The following NOVA1 variants were observed in gnomAD, a reference collection of about 807,000 sequenced individuals.
The protein encoded by NOVA1 is NOVA alternative splicing regulator 1.
Under a neutral mutation model 38.0 loss-of-function variants are expected in NOVA1, and 7 were observed. The observed-to-expected ratio is 0.18, with a 90% CI of 0.10 to 0.35. The LOEUF (loss-of-function observed/expected upper bound fraction) is 0.35. NOVA1 is among the 10% of genes least tolerant of loss of function. NOVA1 has a pLI of 1.00. For synonymous variants in NOVA1, 270 were observed against 232.5 expected (o/e 1.16, Z -1.47); for missense variants, 460 against 616.0 (o/e 0.75, Z 2.68).
At position 26,455,278 on chromosome 14, in the gene NOVA1, C is replaced by CATCT. The variant is rs1445679106; in HGVS notation, c.520-6319_520-6316dup. Among the ~76,000 whole-genome samples the CATCT allele has an allele frequency of 3.3e-5, 5 of 152,134 alleles. No individual in the cohort carries two copies. The South Asian group carries it at 6.2e-4, about 19-fold the overall frequency. ...TATCTGTGACTTCTCCTGCTCCCTA[C>CATCT]ATCTATATGTTCTATTATGTGCTGT... On this transcript the variant is annotated intron_variant, in intron 4 of 4. Transcript: ENST00000539517.
intron 2 of NOVA1, among the ~76,000 whole-genome samples, chr14:26,565,191 C>T (rs1189541838): frequency 6.6e-6 from 1 of 152,200 alleles, no homozygotes; most frequent in Non-Finnish European, 1.5e-5. Context: ...TTCCTATCTA[C>T]ACTCACTGTA....
intron 2 of NOVA1, among the ~76,000 whole-genome samples, chr14:26,536,083 T>G (rs891449357): frequency 2.6e-5 from 4 of 152,084 alleles, no homozygotes; most frequent in Middle Eastern, 6.8e-3. Context: ...TGGAGATGAT[T>G]ATGTTAAGTG....
intron 2 of NOVA1, among the ~76,000 whole-genome samples, chr14:26,482,567 T>C (rs1455347803): frequency 6.6e-6 from 1 of 152,206 alleles, no homozygotes; most frequent in Non-Finnish European, 1.5e-5. Context: ...CTAAACTGCC[T>C]GTTATTTATC....
At chr14:26,497,986 A>G (rs578020464) in intron 2 of NOVA1, among the ~76,000 whole-genome samples, 1 of 152,338 alleles carries the variant, frequency 6.6e-6, no homozygotes, top group Non-Finnish European at 1.5e-5. Flanking sequence ...AACTGTTACT[A>G]TATTGATCAT....
In NOVA1 at chr14:26,444,285, A is replaced by G. The variant is rs1262574809; in HGVS notation, c.*3674T>C. 1 of 152,146 alleles carries G rather than the reference A, an allele frequency of 6.6e-6. No individual in the cohort carries two copies. Among genetic ancestry groups the G allele is most frequent in the Admixed American group, 6.6e-5 (1 of 15,262 alleles). 9.4% of individuals were successfully genotyped at this position (152,146 alleles called of 1,614,324 possible). A position where few individuals can be genotyped will look rare whatever the true frequency, so the allele number is the denominator to read the frequency against. Reference sequence around the variant, plus strand: ...ATCTCATACATTAGAAGTGGTACACAAAAAACGGGGATAAAATTTATCAGA... The same window carrying G: ...ATCTCATACATTAGAAGTGGTACACGAAAAACGGGGATAAAATTTATCAGA... On this transcript the variant is annotated 3_prime_UTR_variant, in exon 5 of 5. Transcript: ENST00000539517.
Position 26,445,887 on chromosome 14 carries a change from G to C in NOVA1, c.*2072C>G, listed in dbSNP as rs903154389. 1 of 152,562 alleles carries C rather than the reference G, an allele frequency of 6.6e-6. No individual in the cohort carries two copies. The highest frequency in any genetic ancestry group is 1.5e-5 in the Non-Finnish European group (1 of 68,020). The allele number at this position is 152,562 out of a possible 1,614,324, so 9.5% of individuals were successfully genotyped here. A position where few individuals can be genotyped will look rare whatever the true frequency, so the allele number is the denominator to read the frequency against. On this transcript the variant is annotated 3_prime_UTR_variant, in exon 5 of 5. Coordinates refer to ENST00000539517, the MANE Select transcript of NOVA1 (RefSeq NM_002515.3). ...AAAAATGAGACGGGAGACAAGTGAT[G>C]CTACATGATGAACTAAGCACATTTA...
chr14:26,449,852 C>T (rs1882486713), intron 4 of NOVA1, among the ~76,000 whole-genome samples: 1 of 152,002 alleles, frequency 6.6e-6, no homozygotes, highest in African/African-American at 2.4e-5. Flanking sequence ...TATGACCACA[C>T]ATAGACATCT....
chr14:26,524,593 C>T (rs948237270), intron 2 of NOVA1, among the ~76,000 whole-genome samples: 2 of 152,094 alleles, frequency 1.3e-5, no homozygotes, highest in Admixed American at 6.5e-5. Context: ...CCAACATGAC[C>T]TAGCAGTCTA....
At chr14:26,542,733 CA>C (rs71121888) in intron 2 of NOVA1, among the ~76,000 whole-genome samples, 100,100 of 125,832 alleles carry the variant, frequency 0.8, 40,151 homozygotes, top group Non-Finnish European at 0.89. Context: ...TTTGTAATGG[CA>C]AAAAAAAAAA....
chr14:26,596,466 C>A (rs1203175883), intron 1 of NOVA1: 1 of 1,080,814 alleles, frequency 9.3e-7, no homozygotes, highest in Non-Finnish European at 1.2e-6. Flanking sequence ...CAGGAGACAC[C>A]CCGGTAAATC....
At chr14:26,526,389 A>C (rs1473204299) in intron 2 of NOVA1, among the ~76,000 whole-genome samples, 2 of 152,096 alleles carry the variant, frequency 1.3e-5, no homozygotes, top group Admixed American at 1.3e-4. Flanking sequence ...GTTGCTTGGA[A>C]ACCTGCATAA....
intron 2 of NOVA1, among the ~76,000 whole-genome samples, chr14:26,586,902 A>T (rs531324596): frequency 1.3e-5 from 2 of 148,880 alleles, no homozygotes; most frequent in East Asian, 3.9e-4. Flanking sequence ...CTGGGCCATC[A>T]TCTCAGTTTT....
At chr14:26,557,460 C>T (rs1303614806) in intron 2 of NOVA1, among the ~76,000 whole-genome samples, 1 of 152,006 alleles carries the variant, frequency 6.6e-6, no homozygotes, top group Non-Finnish European at 1.5e-5. Flanking sequence ...CTCCCGGTCA[C>T]AAGCAATCCT....
At chr14:26,526,473 T>C (rs940190323) in intron 2 of NOVA1, among the ~76,000 whole-genome samples, 18 of 152,324 alleles carry the variant, frequency 1.2e-4, no homozygotes, top group African/African-American at 4.1e-4. Flanking sequence ...GAGAGATCTA[T>C]AAAACTAGAC....
At chr14:26,480,711 G>A (rs1444730920) in intron 2 of NOVA1, among the ~76,000 whole-genome samples, 3 of 151,904 alleles carry the variant, frequency 2.0e-5, no homozygotes, top group South Asian at 2.1e-4. Flanking sequence ...TCTACGTGGA[G>A]TGTAAATTTG....
intron 2 of NOVA1, among the ~76,000 whole-genome samples, chr14:26,485,128 T>A (rs907608404): frequency 1.3e-5 from 2 of 152,082 alleles, no homozygotes; most frequent in Non-Finnish European, 2.9e-5. Context: ...TGAAAGGGAC[T>A]TTGTCATGTT....
intron 2 of NOVA1, among the ~76,000 whole-genome samples, chr14:26,507,793 G>A (rs114776641): frequency 0.013 from 2,044 of 152,066 alleles, 49 homozygotes; most frequent in African/African-American, 0.047. Flanking sequence ...AAACATAAAT[G>A]TGTATGACTT....
intron 4 of NOVA1, among the ~76,000 whole-genome samples, chr14:26,452,226 C>T (rs1488837931): frequency 6.6e-6 from 1 of 152,132 alleles, no homozygotes. Flanking sequence ...TATATCCATA[C>T]CTATTTGCAC....
chr14:26,587,485 A>G (rs1398022383), intron 2 of NOVA1, among the ~76,000 whole-genome samples: 1 of 151,102 alleles, frequency 6.6e-6, no homozygotes, highest in Admixed American at 6.6e-5. Flanking sequence ...ATAAATATGC[A>G]TAATAATTAA....
Sources: gnomAD v4.1 joint callset for allele counts (sites outside exome capture counted in the v4.1 genomes callset) on GRCh38, gnomAD v4.1.1 for gene constraint, MANE v1.5 for transcripts, NCBI Gene and HGNC (gene_info 2026-07-23, HGNC 2026-07-21) for gene names.